OLFML1: variants seen among roughly 807,000 people sequenced by gnomAD.
The protein encoded by OLFML1 is olfactomedin like 1.
Under a neutral mutation model 37.3 loss-of-function variants are expected in OLFML1, and 33 were observed. The ratio of observed to expected loss-of-function variants is 0.88; its 90% CI spans 0.67 to 1.18. OLFML1 has a LOEUF of 1.18. Ranked by LOEUF, OLFML1 falls within the 50% of genes most tolerant of loss-of-function variation. The pLI is 0.00. For synonymous variants in OLFML1, 186 were observed against 181.3 expected (o/e 1.03, Z -0.21); for missense variants, 545 against 483.7 (o/e 1.13, Z -1.19).
Position 7,485,885 on chromosome 11 carries a change from G to A in OLFML1, c.10G>A (p.Ala4Thr). MMVALRGASALLVL... is the reference protein window; with the variant it reads MMVTLRGASALLVL... ...CTTGGTGTTTTGCAGGATGATGGTG[G>A]CCCTTCGAGGAGCTTCTGCATTGCT... Residue 4 changes from alanine to threonine, a missense_variant, in exon 1 of 3, where the codon GCC becomes ACC. Physicochemically the swap from Ala to Thr is moderately conservative, Grantham distance 58. Transcript: ENST00000329293. The A allele has an allele frequency of 1.2e-6, 2 of 1,613,310 alleles. No homozygotes were observed. Among genetic ancestry groups the A allele is most frequent in the African/African-American group, 1.3e-5 (1 of 74,996 alleles).
At chr11:7,500,883 A>T (rs946218363) in intron 2 of OLFML1, among the ~76,000 whole-genome samples, 4 of 152,184 alleles carry the variant, frequency 2.6e-5, no homozygotes, top group Admixed American at 2.6e-4. Flanking sequence ...ATAATAAAAT[A>T]AAAAATTTTA....
At chr11:7,506,816 C>A (rs540844542) in intron 2 of OLFML1, among the ~76,000 whole-genome samples, 1 of 152,112 alleles carries the variant, frequency 6.6e-6, no homozygotes, top group South Asian at 2.1e-4. Flanking sequence ...GGAAAGAAAG[C>A]AAGATGAAGA....
At chr11:7,509,248 A>C in intron 2 of OLFML1, 150 bp from the exon 3 acceptor site, 2 of 577,874 alleles carry the variant, frequency 3.5e-6, no homozygotes, top group Non-Finnish European at 5.9e-6. Context: ...CCCTTCTTCT[A>C]AGGACGGTCA....
chr11:7,498,584 T>A (rs539927756), intron 2 of OLFML1, among the ~76,000 whole-genome samples: 1 of 152,358 alleles, frequency 6.6e-6, no homozygotes, highest in South Asian at 2.1e-4. Context: ...ATCTTTGTCA[T>A]CTCAGTGCCT....
rs560488572 is a variant in OLFML1 at position 7,485,534 on chromosome 11, C to T, written c.-342C>T. ...TTCACCCCCCACCCCAATGCACACACAATTAAGCCAGGAAGCAGCTTGCAA... is the reference window on the plus strand; with the variant it reads ...TTCACCCCCCACCCCAATGCACACATAATTAAGCCAGGAAGCAGCTTGCAA... On this transcript the variant is annotated 5_prime_UTR_variant, in exon 1 of 3. The change creates a premature stop within an existing upstream ORF in the 5' untranslated region. Transcript: ENST00000329293. 4.5e-6 allele frequency: 1 copy of T among 224,318 alleles called. No homozygotes were observed. Among genetic ancestry groups the T allele is most frequent in the East Asian group, 1.0e-4 (1 of 9,710 alleles). The allele number at this position is 224,318 out of a possible 1,614,324, so 13.9% of individuals were successfully genotyped here. A position where few individuals can be genotyped will look rare whatever the true frequency, so the allele number is the denominator to read the frequency against.
At chr11:7,507,470 G>A (rs773643322) in intron 2 of OLFML1, among the ~76,000 whole-genome samples, 3 of 151,896 alleles carry the variant, frequency 2.0e-5, no homozygotes, top group Non-Finnish European at 4.4e-5. Flanking sequence ...GCATAGAGAT[G>A]GCTTCAATCT....
intron 2 of OLFML1, among the ~76,000 whole-genome samples, chr11:7,508,311 A>G (rs7949121): frequency 0.6 from 90,794 of 152,030 alleles, 27,449 homozygotes; most frequent in African/African-American, 0.61. Context: ...ACTTTGCTTT[A>G]TATATCTAGT....
At chr11:7,494,468 G>A (rs941706551) in intron 2 of OLFML1, among the ~76,000 whole-genome samples, 8 of 152,156 alleles carry the variant, frequency 5.3e-5, no homozygotes, top group South Asian at 4.1e-4. Context: ...ATTATCTCCC[G>A]TTTTATAGAT....
rs1214026575 is a variant in OLFML1 at position 7,509,795 on chromosome 11, G to A, written c.816G>A (p.Leu272=). 6.2e-7 allele frequency: 1 copy of A among 1,614,120 alleles called. No homozygotes were observed. The highest frequency in any genetic ancestry group is 8.5e-7 in the Non-Finnish European group (1 of 1,180,038). The change falls in exon 3 of 3, where the codon CTG becomes CTA. Residue 272 remains leucine, a synonymous_variant. Transcript: ENST00000329293. ...ACTCCCCCTCAACTTACATTGACCTGGCTGTGGATGAGCATGGGCTCTGGG... is the reference window on the plus strand; with the variant it reads ...ACTCCCCCTCAACTTACATTGACCTAGCTGTGGATGAGCATGGGCTCTGGG... ...YQHSPSTYID[L]AVDEHGLWAI... is the part of the protein sequence containing the mutation.
chr11:7,500,722 GT>G (rs74647381), intron 2 of OLFML1, among the ~76,000 whole-genome samples: 100 of 144,432 alleles, frequency 6.9e-4, no homozygotes, highest in Admixed American at 1.1e-3. Context: ...GTTTAAGAAG[GT>G]TTTTTTTTTT....
At position 7,488,367 on chromosome 11, in the gene OLFML1, C is replaced by A. The variant is rs563324488; in HGVS notation, c.370C>A (p.Leu124Ile). 6.2e-7 allele frequency: 1 copy of A among 1,614,020 alleles called. No individual in the cohort carries two copies. The highest frequency in any genetic ancestry group is 2.2e-5 in the East Asian group (1 of 44,878). ...SEDKTLAEML[L>I]QEAEEEKKIR... ...GGACAAGACACTGGCAGAAATGTTG[C>A]TCCAAGAAGCTGAAGAAGAGAAAAA... is the stretch of plus-strand genomic sequence containing the variant. The change falls in exon 2 of 3, where the codon CTC becomes ATC. Residue 124 changes from leucine (L) to isoleucine (I), a missense_variant. Transcript: ENST00000329293.
intron 2 of OLFML1, among the ~76,000 whole-genome samples, chr11:7,497,074 G>A (rs1029094555): frequency 2.0e-5 from 3 of 152,118 alleles, no homozygotes; most frequent in Non-Finnish European, 4.4e-5. Flanking sequence ...CATGCTTTAC[G>A]TGAGTGTTGA....
chr11:7,506,201 G>T (rs1359791898), intron 2 of OLFML1, among the ~76,000 whole-genome samples: 5 of 152,140 alleles, frequency 3.3e-5, no homozygotes. Context: ...TTTAATATAG[G>T]CTAGATGCTT....
intron 2 of OLFML1, among the ~76,000 whole-genome samples, chr11:7,498,311 T>G (rs1441347619): frequency 6.6e-6 from 1 of 151,970 alleles, no homozygotes; most frequent in East Asian, 1.9e-4. Context: ...GTATCCCGAG[T>G]TAGCAAAGGA....
Position 7,485,518 on chromosome 11 carries a change from C to G in OLFML1, c.-358C>G, listed in dbSNP as rs540779333. ...ACGGGGGGAAGCCATCTTCACCCCC[C>G]ACCCCAATGCACACACAATTAAGCC... On this transcript the variant is annotated 5_prime_UTR_variant, in exon 1 of 3. Coordinates refer to ENST00000329293, the MANE Select transcript of OLFML1 (RefSeq NM_198474.4). 3.1e-5 allele frequency: 6 copies of G among 192,274 alleles called. No individual in the cohort carries two copies. In the East Asian group the frequency reaches 5.3e-4, roughly 17 times the overall value. 11.9% of individuals were successfully genotyped at this position (192,274 alleles called of 1,614,324 possible). A position where few individuals can be genotyped will look rare whatever the true frequency, so the allele number is the denominator to read the frequency against.
chr11:7,491,516 G>C (rs962146808), intron 2 of OLFML1, among the ~76,000 whole-genome samples: 1 of 152,214 alleles, frequency 6.6e-6, no homozygotes, highest in South Asian at 2.1e-4. Flanking sequence ...TGTGATTAGT[G>C]TCTCCTCGAT....
rs769570736 is a variant in OLFML1 at position 7,509,470 on chromosome 11, G to C, written c.491G>C (p.Trp164Ser). 4 of 1,613,994 alleles carry C rather than the reference G, an allele frequency of 2.5e-6. No individual in the cohort carries two copies. The highest frequency in any genetic ancestry group is 3.4e-6 in the Non-Finnish European group (4 of 1,179,912). Residue 164 changes from tryptophan (W) to serine (S), a missense_variant, in exon 3 of 3, where the codon TGG becomes TCG. Coordinates refer to ENST00000329293, the MANE Select transcript of OLFML1 (RefSeq NM_198474.4). ...VKKMMDTHGS[W>S]MKDAVYNSPK... ...AAGATGATGGACACACATGGCTCTT[G>C]GATGAAAGATGCTGTCTATAACTCT... is the stretch of plus-strand genomic sequence containing the variant.
intron 2 of OLFML1, among the ~76,000 whole-genome samples, chr11:7,500,425 C>T (rs762696292): frequency 1.1e-4 from 17 of 152,090 alleles, no homozygotes; most frequent in Admixed American, 2.0e-4. Context: ...CATTCTTTCC[C>T]GCCACACACA....
rs1188644875 is a variant in OLFML1, at chr11:7,510,017, T to C, written c.1038T>C (p.Asp346=). 1 of 1,614,086 alleles carries C rather than the reference T, an allele frequency of 6.2e-7. No individual in the cohort carries two copies. Among genetic ancestry groups the C allele is most frequent in the African/African-American group, 1.3e-5 (1 of 74,924 alleles). ...CTCATCGCATCACCTGCATCTATGA[T>C]CCACTGGGCACTATCAGTGAGGAGG... ...QGPHRITCIY[D]PLGTISEEDL... The change falls in exon 3 of 3, where the codon GAT becomes GAC. Residue 346 remains aspartate, a synonymous_variant. Transcript: ENST00000329293.
Sources: gnomAD v4.1 joint callset for allele counts (sites outside exome capture counted in the v4.1 genomes callset) on GRCh38, gnomAD v4.1.1 for gene constraint, MANE v1.5 for transcripts, NCBI Gene and HGNC (gene_info 2026-07-23, HGNC 2026-07-21) for gene names.